The following ETV7 variants were observed in gnomAD, a reference collection of about 807,000 sequenced individuals.
The protein encoded by ETV7 is ETS variant transcription factor 7, also known as transcription factor ETV7.
In ETV7, 43 loss-of-function variants were observed where a neutral mutation model predicts 39.1. The observed-to-expected ratio is 1.10, with a 90% CI of 0.86 to 1.42. ETV7 has a LOEUF of 1.42. Ranked by LOEUF, ETV7 falls within the 40% of genes most tolerant of loss-of-function variation. The pLI, the probability that ETV7 is intolerant of heterozygous loss-of-function variation, is 0.00. For synonymous variants in ETV7, 196 were observed against 176.6 expected (o/e 1.11, Z -0.87); for missense variants, 432 against 442.3 (o/e 0.98, Z 0.21).
intron 6 of ETV7, among the ~76,000 whole-genome samples, chr6:36,367,519 C>CTT (rs1410856219): frequency 6.6e-6 from 1 of 152,072 alleles, no homozygotes; most frequent in African/African-American, 2.4e-5. Context: ...GGTTCTCCTG[C>CTT]CTACTTGGCT....
downstream of ETV7, among the ~76,000 whole-genome samples, chr6:36,364,206 C>G (rs547154665): frequency 2.6e-5 from 4 of 152,278 alleles, no homozygotes; most frequent in Non-Finnish European, 5.9e-5. Flanking sequence ...GTGGAGCTGC[C>G]TGCCAGTCCG....
At chr6:36,369,917 A>AAC (rs1554146808) in intron 5 of ETV7, among the ~76,000 whole-genome samples, 9 of 151,764 alleles carry the variant, frequency 5.9e-5, no homozygotes, top group African/African-American at 2.2e-4. Flanking sequence ...AAAAAAAAAA[A>AAC]AACCCAGTAA....
downstream of ETV7, among the ~76,000 whole-genome samples, chr6:36,363,212 C>T (rs1282093316): frequency 6.6e-6 from 1 of 152,186 alleles, no homozygotes; most frequent in African/African-American, 2.4e-5. Context: ...AGTCTTACAG[C>T]TCTTCAGGTG....
downstream of ETV7, among the ~76,000 whole-genome samples, chr6:36,363,149 G>A (rs111864623): frequency 1.3e-5 from 2 of 152,242 alleles, no homozygotes; most frequent in African/African-American, 4.8e-5. Context: ...TCCAGAACTG[G>A]TGGGTTCTTG....
At chr6:36,379,322 C>T (rs1388861388) in intron 2 of ETV7, among the ~76,000 whole-genome samples, 1 of 152,144 alleles carries the variant, frequency 6.6e-6, no homozygotes. Flanking sequence ...GAGGGAGGAT[C>T]ATTTGAAACC....
chr6:36,358,045 C>T (rs1772385842), intron 7 of ETV7, among the ~76,000 whole-genome samples: 1 of 152,176 alleles, frequency 6.6e-6, no homozygotes, highest in African/African-American at 2.4e-5. Context: ...AGATCCCTCC[C>T]CACCCATGAA....
chr6:36,370,014 T>C (rs777732441), intron 5 of ETV7, among the ~76,000 whole-genome samples: 1 of 152,192 alleles, frequency 6.6e-6, no homozygotes, highest in Non-Finnish European at 1.5e-5. Context: ...GCATAGAGTG[T>C]GTAACGATCA....
At chr6:36,382,098 C>A (rs1204719266) in intron 2 of ETV7, among the ~76,000 whole-genome samples, 2 of 152,132 alleles carry the variant, frequency 1.3e-5, no homozygotes, top group African/African-American at 2.4e-5. Context: ...GTGTTTTACA[C>A]CCACATCCAT....
At chr6:36,381,604 AT>A (rs1355539244) in intron 2 of ETV7, among the ~76,000 whole-genome samples, 3 of 152,098 alleles carry the variant, frequency 2.0e-5, no homozygotes, top group Non-Finnish European at 4.4e-5. Flanking sequence ...TCCTTAGTTT[AT>A]TGTGTGTCAT....
At chr6:36,370,976 T>C (rs1364551357) in intron 5 of ETV7, among the ~76,000 whole-genome samples, 1 of 152,210 alleles carries the variant, frequency 6.6e-6, no homozygotes, top group African/African-American at 2.4e-5. Flanking sequence ...AAGGCCATTG[T>C]AGAATTAAAT....
intron 4 of ETV7, among the ~76,000 whole-genome samples, chr6:36,372,361 C>T (rs1773074081): frequency 6.6e-6 from 1 of 152,054 alleles, no homozygotes; most frequent in Non-Finnish European, 1.5e-5. Flanking sequence ...GGGCAGGAGT[C>T]AGCGGAAGAA....
chr6:36,374,652 A>G (rs570862739), intron 3 of ETV7, among the ~76,000 whole-genome samples: 1 of 152,306 alleles, frequency 6.6e-6, no homozygotes, highest in East Asian at 1.9e-4. Context: ...GGAAGCTGGA[A>G]GCCTTGTCTC....
downstream of ETV7, among the ~76,000 whole-genome samples, chr6:36,363,049 T>G (rs1772560010): frequency 6.6e-6 from 1 of 152,220 alleles, no homozygotes; most frequent in Admixed American, 6.5e-5. Flanking sequence ...GGCAGTTCCC[T>G]TCTCTGTAAA....
At chr6:36,361,856 C>G (rs1772499196), downstream of ETV7, among the ~76,000 whole-genome samples, 1 of 152,154 alleles carries the variant, frequency 6.6e-6, no homozygotes, top group South Asian at 2.1e-4. Context: ...GAGAATGTAT[C>G]TCCTGCTTTT....
In ETV7 at chr6:36,385,613, G is replaced by T; in HGVS notation, c.63C>A (p.Gly21=). The change falls in exon 2 of 8, where the codon GGC becomes GGA. Residue 21 remains glycine (G), a synonymous_variant. Transcript: ENST00000340181. ...ISPVAAMPPL[G]THVQARCEAQ... ...CTTCACATCTGGCTTGCACGTGGGT[G>T]CCTAGGGGAGGCATGGCTGCCACAG... 6.2e-7 allele frequency: 1 copy of T among 1,614,206 alleles called. No individual in the cohort carries two copies. The highest frequency in any genetic ancestry group is 8.5e-7 in the Non-Finnish European group (1 of 1,180,018).
chr6:36,354,963 A>G (rs567760496), intron 7 of ETV7, among the ~76,000 whole-genome samples: 15 of 152,364 alleles, frequency 9.8e-5, no homozygotes, highest in Admixed American at 8.5e-4. Context: ...ATAGAAATAC[A>G]ATTGACTTTT....
At position 36,369,906 on chromosome 6, in the gene ETV7, TA is replaced by T. The variant is rs10664403; in HGVS notation, c.665-836del. Among the ~76,000 whole-genome samples, 282 of 146,050 alleles carry T rather than the reference TA, an allele frequency of 1.9e-3. 1 individual carries two copies. In the South Asian group the frequency reaches 0.025, roughly 13 times the overall value. On this transcript the variant is annotated intron_variant, in intron 5 of 7. Transcript: ENST00000340181. ...GGCAACAGAGTGAGACCCTGTCTCT[TA>T]AAAAAAAAAAAACCCAGTAATTGTG...
downstream of ETV7, among the ~76,000 whole-genome samples, chr6:36,361,727 G>C (rs1772494105): frequency 6.6e-6 from 1 of 152,242 alleles, no homozygotes; most frequent in Non-Finnish European, 1.5e-5. Context: ...CCAAGACAGT[G>C]ACTTGTATTA....
chr6:36,372,011 G>A lies in ETV7; in HGVS notation c.434-451C>T, dbSNP rs144231076. On this transcript the variant is annotated intron_variant, in intron 4 of 7. Transcript: ENST00000340181. The stretch of plus-strand genomic sequence containing the variant: ...CTAGTTGAGAGCAGGGGAGATGGAC[G>A]ATTAAAATAAAAAGGAAACAGAAAC... 5.2e-3 allele frequency among the ~76,000 whole-genome samples: 793 copies of A among 152,280 alleles called. 8 individuals are homozygous for A. The highest frequency in any genetic ancestry group is 0.018 in the African/African-American group (728 of 41,534).
Sources: allele counts gnomAD v4.1 joint callset (sites outside exome capture counted in the v4.1 genomes callset), GRCh38; gene constraint gnomAD v4.1.1; transcripts MANE v1.5; gene names NCBI Gene and HGNC (gene_info 2026-07-23, HGNC 2026-07-21).